ABR: variants seen among roughly 807,000 people sequenced by gnomAD.
ABR encodes the protein active breakpoint cluster region-related protein.
A neutral mutation model predicts 107.2 loss-of-function variants in ABR; 35 were observed. The ratio of observed to expected loss-of-function variants is 0.33; its 90% CI spans 0.25 to 0.43. The LOEUF (loss-of-function observed/expected upper bound fraction) is 0.43, where lower values mean the gene tolerates loss of function less well. Ranked by LOEUF, ABR falls within the 20% of genes least tolerant of loss-of-function variation. The pLI is 1.00. For synonymous variants in ABR, 498 were observed against 462.0 expected, an observed-to-expected ratio of 1.08 and a Z score of -1.00; for missense variants, 815 against 1,115.2, an observed-to-expected ratio of 0.73 and a Z score of 3.83.
In ABR at chr17:1,007,111, C is replaced by T. The variant is rs112015836; in HGVS notation, c.2490+54G>A. 2,331 of 462,270 alleles carry T rather than the reference C, an allele frequency of 5.0e-3. 33 individuals are homozygous for T. The highest frequency in any genetic ancestry group is 6.6e-3 in the Non-Finnish European group (1,674 of 254,902). The allele number at this position is 462,270 out of a possible 1,614,324, so 28.6% of individuals were successfully genotyped here. On this transcript the variant is annotated intron_variant, in intron 22 of 22. Coordinates refer to ENST00000302538, the MANE Select transcript of ABR (RefSeq NM_021962.5). ...CGGTGCCAGGGTACCTGCGCCATGA[C>T]GTCATGGGACCGTCACCCTCCGCCA...
chr17:1,072,353 C>T (rs1480975117), intron 8 of ABR, among the ~76,000 whole-genome samples: 1 of 151,898 alleles, frequency 6.6e-6, no homozygotes, highest in Non-Finnish European at 1.5e-5. Flanking sequence ...AGGAGGCACC[C>T]GGTGCCGCCC....
rs1056552497 is a variant in ABR at position 1,004,460 on chromosome 17, T to G, written c.*1620A>C. The G allele has an allele frequency of 4.6e-5, 7 of 152,568 alleles. No homozygotes were observed. The highest frequency in any genetic ancestry group is 1.7e-4 in the African/African-American group (7 of 41,478). 9.5% of individuals were successfully genotyped at this position (152,568 alleles called of 1,614,324 possible). A position where few individuals can be genotyped will look rare whatever the true frequency, so the allele number is the denominator to read the frequency against. ...AGCCCTGAGCACAAGCAATGGGAAC[T>G]GAGCTCCCCAGCCCTGAGGGCCCGG... On this transcript the variant is annotated 3_prime_UTR_variant, in exon 23 of 23. Coordinates refer to ENST00000302538, the MANE Select transcript of ABR (RefSeq NM_021962.5).
At chr17:1,146,447 A>G (rs907391463) in intron 1 of ABR, among the ~76,000 whole-genome samples, 1 of 152,146 alleles carries the variant, frequency 6.6e-6, no homozygotes, top group Middle Eastern at 3.2e-3. Context: ...GTGAAACGGA[A>G]TGATAGGATT....
At chr17:1,046,028 G>A (rs1808937) in intron 16 of ABR, among the ~76,000 whole-genome samples, 57,692 of 151,964 alleles carry the variant, frequency 0.38, 11,393 homozygotes, top group East Asian at 0.65. Context: ...CCGCCATCAC[G>A]CCTGGCTAAT....
chr17:1,059,148 G>A (rs998624760), intron 10 of ABR, among the ~76,000 whole-genome samples: 4 of 151,926 alleles, frequency 2.6e-5, no homozygotes, highest in Middle Eastern at 3.4e-3. Context: ...TTCTCTACCT[G>A]ACGCTCACTC....
intron 16 of ABR, chr17:1,031,743 C>CT: frequency 8.1e-7 from 1 of 1,233,116 alleles, no homozygotes; most frequent in Non-Finnish European, 1.0e-6. Flanking sequence ...GTCGGTCATG[C>CT]CGGGGGGGAC....
chr17:1,006,518 C>T (rs1454336473), intron 22 of ABR, among the ~76,000 whole-genome samples: 1 of 152,222 alleles, frequency 6.6e-6, no homozygotes, highest in Non-Finnish European at 1.5e-5. Context: ...TCTCCCCACC[C>T]CTGGGCTTGC....
chr17:1,088,728 A>C (rs1221304751), intron 4 of ABR, among the ~76,000 whole-genome samples: 1 of 151,012 alleles, frequency 6.6e-6, no homozygotes, highest in Non-Finnish European at 1.5e-5. Context: ...AGCTGGGATC[A>C]CAGGTGCGTG....
chr17:1,007,743 G>A (rs1045237453), intron 21 of ABR, among the ~76,000 whole-genome samples: 3 of 152,374 alleles, frequency 2.0e-5, no homozygotes, highest in East Asian at 3.9e-4. Context: ...ACTTGCCCAA[G>A]GTCACACAGC....
intron 1 of ABR, among the ~76,000 whole-genome samples, chr17:1,149,771 G>A (rs1041048697): frequency 1.3e-5 from 2 of 152,094 alleles, no homozygotes; most frequent in East Asian, 1.9e-4. Context: ...AGCTCAGCTC[G>A]GCCATAGGTA....
At chr17:1,097,486 G>A (rs2037547801) in intron 3 of ABR, among the ~76,000 whole-genome samples, 1 of 149,730 alleles carries the variant, frequency 6.7e-6, no homozygotes, top group Non-Finnish European at 1.5e-5. Context: ...AGCTACTTGG[G>A]AAGCTGACAC....
chr17:1,109,909 A>G lies in ABR; in HGVS notation c.247-9174T>C, dbSNP rs1597847362. 9.1e-5 allele frequency among the ~76,000 whole-genome samples: 6 copies of G among 66,220 alleles called. No individual in the cohort carries two copies. In the South Asian group the frequency reaches 3.0e-3, roughly 33 times the overall value. The allele number at this position is 66,220 out of a possible 152,430, so 43.4% of individuals were successfully genotyped here. A position where few individuals can be genotyped will look rare whatever the true frequency, so the allele number is the denominator to read the frequency against. ...ACTCACGGACGCTACTGACACCAGC[A>G]CCCCCACCTCCTCTGAGCAGCCCCC... On this transcript the variant is annotated intron_variant, in intron 2 of 22. Coordinates refer to ENST00000302538, the MANE Select transcript of ABR (RefSeq NM_021962.5).
chr17:1,209,399 C>T (rs1376811579), intron 1 of ABR, among the ~76,000 whole-genome samples: 1 of 152,150 alleles, frequency 6.6e-6, no homozygotes, highest in Non-Finnish European at 1.5e-5. Context: ...GCCTCAGCCT[C>T]CCAAGTAGCT....
At chr17:1,196,143 A>T (rs1423705122) in intron 1 of ABR, among the ~76,000 whole-genome samples, 1 of 149,640 alleles carries the variant, frequency 6.7e-6, no homozygotes, top group Non-Finnish European at 1.5e-5. Context: ...AAAAAAAAAA[A>T]AATAGGCAAG....
chr17:1,211,572 A>G (rs548644887), intron 1 of ABR, among the ~76,000 whole-genome samples: 11 of 152,338 alleles, frequency 7.2e-5, no homozygotes, highest in African/African-American at 2.6e-4. Flanking sequence ...AATCCCCACA[A>G]CATTCCAGGA....
chr17:1,067,929 T>A (rs994028903), intron 9 of ABR, among the ~76,000 whole-genome samples: 17 of 152,202 alleles, frequency 1.1e-4, no homozygotes, highest in Non-Finnish European at 2.2e-4. Flanking sequence ...TATTATTATT[T>A]TTTAAATTAT....
intron 18 of ABR, chr17:1,012,412 C>T: frequency 1.5e-6 from 1 of 676,094 alleles, no homozygotes; most frequent in South Asian, 1.5e-5. Flanking sequence ...AACGTAGGCC[C>T]CCGGCTGACA....
At chr17:1,064,889 T>C (rs62067869) in intron 10 of ABR, among the ~76,000 whole-genome samples, 5,613 of 21,152 alleles carry the variant, frequency 0.27, 23 homozygotes, top group Middle Eastern at 0.37. Flanking sequence ...ACTGTTGTTA[T>C]GTGAACTGAG....
At position 1,157,838 on chromosome 17, in the gene ABR, A is replaced by G. The variant is rs2041109701; in HGVS notation, c.61+21829T>C. On this transcript the variant is annotated intron_variant, in intron 1 of 22. Coordinates refer to ENST00000302538, the MANE Select transcript of ABR (RefSeq NM_021962.5). This position sits in a 1 kb window ranked among gnomAD's most constrained non-coding sequence, Gnocchi z 4.7. The stretch of plus-strand genomic sequence containing the variant: ...CACGATGGGGTGCACTCAGCCCCGT[A>G]TCATTCATGCTGCAGGTCAGCCTAG... Among the ~76,000 whole-genome samples the G allele has an allele frequency of 6.6e-6, 1 of 152,224 alleles. No individual in the cohort carries two copies. The highest frequency in any genetic ancestry group is 2.4e-5 in the African/African-American group (1 of 41,460).
Sources: allele counts gnomAD v4.1 joint callset (sites outside exome capture counted in the v4.1 genomes callset), GRCh38; gene constraint gnomAD v4.1.1; non-coding constraint Gnocchi (gnomAD v3.1); transcripts MANE v1.5; gene names NCBI Gene and HGNC (gene_info 2026-07-23, HGNC 2026-07-21).